ANO1: variants seen among roughly 807,000 people sequenced by gnomAD.
ANO1 encodes anoctamin-1.
In ANO1, 59 loss-of-function variants were observed where a neutral mutation model predicts 124.0. The ratio of observed to expected loss-of-function variants is 0.48; its 90% CI spans 0.39 to 0.59. ANO1 has a LOEUF of 0.59. Among genes scored for constraint, ANO1 ranks in the 20% least tolerant of loss-of-function variants. The pLI, the probability that ANO1 is intolerant of heterozygous loss-of-function variation, is 0.00. For missense variants in ANO1, 1,059 were observed against 1,328.0 expected (o/e 0.80, Z 3.15); for synonymous variants, 529 against 532.0 (o/e 0.99, Z 0.08).
chr11:70,084,626 C>T (rs1009098242), intron 1 of ANO1, among the ~76,000 whole-genome samples: 4 of 152,192 alleles, frequency 2.6e-5, no homozygotes, highest in Admixed American at 6.5e-5. Flanking sequence ...GCTGACTACA[C>T]GGCCTGCCAT....
chr11:70,095,481 T>G (rs539378484), intron 2 of ANO1, among the ~76,000 whole-genome samples: 3 of 151,996 alleles, frequency 2.0e-5, no homozygotes, highest in African/African-American at 7.2e-5. Context: ...TTTTAAAAAT[T>G]CATGTTTTTA....
chr11:70,131,081 C>T (rs116530730), intron 10 of ANO1, among the ~76,000 whole-genome samples: 1,907 of 152,270 alleles, frequency 0.013, 47 homozygotes, highest in African/African-American at 0.042. Flanking sequence ...AAGCCTTGAC[C>T]GTGCCTGCCG....
intron 1 of ANO1, among the ~76,000 whole-genome samples, chr11:69,989,787 G>A (rs1554997253): frequency 6.6e-6 from 1 of 152,110 alleles, no homozygotes. Context: ...GTGACCCTGG[G>A]TCTATTTTGA....
At chr11:70,175,810 A>G (rs1156321414) in intron 22 of ANO1, among the ~76,000 whole-genome samples, 1 of 152,230 alleles carries the variant, frequency 6.6e-6, no homozygotes, top group Non-Finnish European at 1.5e-5. Flanking sequence ...TACTTGGGGA[A>G]GTAAAAATGA....
intron 2 of ANO1, among the ~76,000 whole-genome samples, chr11:70,091,202 G>A (rs1489670338): frequency 1.3e-5 from 2 of 152,170 alleles, no homozygotes; most frequent in Non-Finnish European, 2.9e-5. Flanking sequence ...AACCTTTCCC[G>A]GAGGGGTGCT....
chr11:70,011,560 C>G (rs941526593), intron 1 of ANO1, among the ~76,000 whole-genome samples: 5 of 152,302 alleles, frequency 3.3e-5, no homozygotes, highest in Non-Finnish European at 4.4e-5. Context: ...CACAACCCCC[C>G]ACCTCTACAA....
At chr11:69,975,174 C>T in the ANO1 span, among the ~76,000 whole-genome samples, 4 of 152,208 alleles carry the variant, frequency 2.6e-5, no homozygotes, top group Non-Finnish European at 4.4e-5. Context: ...GTGCACCCGA[C>T]AGGCCAAGCC....
At position 70,136,772 on chromosome 11, in the gene ANO1, C is replaced by T. The variant is rs745701696; in HGVS notation, c.1258+4693C>T. ...TCTTGCTTTCCCGGGATTCCAGTCA[C>T]AGGTGGGGACAGACACGCACAGAAA... On this transcript the variant is annotated intron_variant, in intron 11 of 25. Transcript: ENST00000355303. Among the ~76,000 whole-genome samples the T allele has an allele frequency of 2.6e-4, 39 of 148,190 alleles. 2 individuals are homozygous for T. The highest frequency in any genetic ancestry group is 5.6e-4 in the Non-Finnish European group (37 of 66,394).
At chr11:70,069,371 T>G (rs1555009042) in intron 1 of ANO1, among the ~76,000 whole-genome samples, 1 of 152,166 alleles carries the variant, frequency 6.6e-6, no homozygotes, top group African/African-American at 2.4e-5. Flanking sequence ...GCCAAGCACG[T>G]CTCAAGGTGC....
chr11:70,116,518 G>A lies in ANO1; in HGVS notation c.897+19G>A. The A allele has an allele frequency of 1.9e-6, 3 of 1,582,968 alleles. No individual in the cohort carries two copies. Among genetic ancestry groups the A allele is most frequent in the Non-Finnish European group, 1.7e-6 (2 of 1,164,662 alleles). On this transcript the variant is annotated intron_variant, in intron 8 of 25. Coordinates refer to ENST00000355303, the MANE Select transcript of ANO1 (RefSeq NM_018043.7). ...CAGAAAAGTAAGTTGATGGAGCGGA[G>A]CAGGAGGTGGCTCTGTCAGAGCCTG...
At chr11:70,174,360 C>T (rs1424866008) in intron 22 of ANO1, among the ~76,000 whole-genome samples, 1 of 151,742 alleles carries the variant, frequency 6.6e-6, no homozygotes, top group Non-Finnish European at 1.5e-5. Flanking sequence ...CGCACCACTG[C>T]ACTCCAGCCT....
chr11:70,059,343 A>G (rs1234704061), intron 1 of ANO1, among the ~76,000 whole-genome samples: 1 of 112,950 alleles, frequency 8.9e-6, no homozygotes, highest in Non-Finnish European at 1.8e-5. Flanking sequence ...AGAGCGAGAC[A>G]CTGTCAAAAA....
chr11:70,059,673 G>A lies in ANO1; in HGVS notation c.59-18869G>A, dbSNP rs560768638. ...GCAGGCAGAACATTGAGAGGTGATG[G>A]TCTTACGGATGGATTTCCATGAAGG... On this transcript the variant is annotated intron_variant, in intron 1 of 27. Coordinates refer to the ANO1 transcript ENST00000531349. 5.3e-5 allele frequency among the ~76,000 whole-genome samples: 8 copies of A among 152,310 alleles called. No individual in the cohort carries two copies. In the South Asian group the frequency reaches 1.7e-3, roughly 32 times the overall value.
At chr11:70,180,910 A>G (rs2048904162) in intron 23 of ANO1, among the ~76,000 whole-genome samples, 1 of 152,198 alleles carries the variant, frequency 6.6e-6, no homozygotes, top group Non-Finnish European at 1.5e-5. Flanking sequence ...TCAGGGCTCC[A>G]GGCCCCTCAG....
intron 1 of ANO1, among the ~76,000 whole-genome samples, chr11:70,007,615 T>C (rs1555000310): frequency 6.6e-6 from 1 of 152,132 alleles, no homozygotes; most frequent in South Asian, 2.1e-4. Flanking sequence ...AATATCTCAT[T>C]GTATGGTAGA....
At chr11:70,145,943 CAAAAAAA>C (rs10589426) in intron 11 of ANO1, among the ~76,000 whole-genome samples, 28 of 108,670 alleles carry the variant, frequency 2.6e-4, no homozygotes, top group South Asian at 7.1e-4. Context: ...TCTCAAAAAA[CAAAAAAA>C]AAAAAAAAAA....
intron 1 of ANO1, among the ~76,000 whole-genome samples, chr11:70,031,927 A>G (rs1282840274): frequency 6.6e-6 from 1 of 152,062 alleles, no homozygotes; most frequent in Non-Finnish European, 1.5e-5. Context: ...TCTGTGTGGC[A>G]CCGGTCCCCT....
At chr11:70,005,248 C>T (rs1253488710) in intron 1 of ANO1, among the ~76,000 whole-genome samples, 1 of 152,168 alleles carries the variant, frequency 6.6e-6, no homozygotes, top group Non-Finnish European at 1.5e-5. Flanking sequence ...CCACCCAAAT[C>T]CCCTCACAGA....
At chr11:70,033,917 C>T (rs1425635229) in intron 1 of ANO1, among the ~76,000 whole-genome samples, 1 of 151,948 alleles carries the variant, frequency 6.6e-6, no homozygotes, top group African/African-American at 2.4e-5. Context: ...CTATCTTGAC[C>T]ATCTGCTGTC....
Sources: gnomAD v4.1 joint callset for allele counts (sites outside exome capture counted in the v4.1 genomes callset) on GRCh38, gnomAD v4.1.1 for gene constraint, MANE v1.5 for transcripts, NCBI Gene and HGNC (gene_info 2026-07-23, HGNC 2026-07-21) for gene names.